Variants in PDPN observed in about 807,000 individuals in gnomAD.
PDPN encodes the protein PA2.26 antigen.
Under a neutral mutation model 23.2 loss-of-function variants are expected in PDPN, and 12 were observed. The ratio of observed to expected loss-of-function variants is 0.52; its 90% CI spans 0.33 to 0.84. PDPN has a LOEUF of 0.84. Among genes scored for constraint, PDPN ranks in the 40% least tolerant of loss-of-function variants. The pLI is 0.02. For synonymous variants in PDPN, 77 were observed against 76.7 expected (o/e 1.00, Z -0.02); for missense variants, 199 against 212.2 (o/e 0.94, Z 0.39).
intron 2 of PDPN, among the ~76,000 whole-genome samples, chr1:13,608,159 G>A (rs1222193838): frequency 6.6e-6 from 1 of 152,120 alleles, no homozygotes; most frequent in African/African-American, 2.4e-5. Context: ...TCTCACTATA[G>A]ACTGGTAATA....
At chr1:13,586,081 T>C (rs905810220) in intron 1 of PDPN, among the ~76,000 whole-genome samples, 5 of 152,162 alleles carry the variant, frequency 3.3e-5, no homozygotes, top group Admixed American at 2.6e-4. Flanking sequence ...GCCACCCTCA[T>C]GCTGAACTTT....
rs1473099812 is a variant in PDPN at position 13,607,305 on chromosome 1, T to C, written c.200T>C (p.Leu67Pro). ...CGCTATAAGTCTGGCTTGACAACTCTGGTCAGTGTCCTGGGAAGAGAGGAA... is the reference window on the plus strand; with the variant it reads ...CGCTATAAGTCTGGCTTGACAACTCCGGTCAGTGTCCTGGGAAGAGAGGAA... ...EDRYKSGLTT[L>P]VATSVNSVTG... Residue 67 changes from leucine to proline, a missense_variant and splice_region_variant, in exon 2 of 6, where the codon CTG (leucine) becomes CCG (proline). Transcript: ENST00000621990. The C allele has an allele frequency of 1.2e-6, 2 of 1,613,718 alleles. No individual in the cohort carries two copies. The highest frequency in any genetic ancestry group is 2.7e-5 in the African/African-American group (2 of 74,922).
At chr1:13,591,005 G>C (rs898593470) in intron 1 of PDPN, among the ~76,000 whole-genome samples, 2 of 151,856 alleles carry the variant, frequency 1.3e-5, no homozygotes, top group African/African-American at 4.8e-5. Flanking sequence ...GCAATGGCGC[G>C]ATCTTGGCTC....
intron 1 of PDPN, among the ~76,000 whole-genome samples, chr1:13,591,131 G>A (rs1334914170): frequency 6.6e-5 from 10 of 151,952 alleles, no homozygotes; most frequent in African/African-American, 9.7e-5. Flanking sequence ...CAATAGAGAC[G>A]GGGTTTCATC....
intron 1 of PDPN, chr1:13,585,383 G>C: frequency 1.4e-6 from 1 of 740,006 alleles, no homozygotes; most frequent in Non-Finnish European, 1.9e-6. Context: ...GGGGCCGTGG[G>C]TTATTCGTAG....
At chr1:13,584,392 G>A in intron 1 of PDPN, 1 of 1,292,992 alleles carries the variant, frequency 7.7e-7, no homozygotes, top group African/African-American at 1.5e-5. Flanking sequence ...AGAGAGATCG[G>A]GTGGAAGGTT....
In PDPN at chr1:13,616,993, G is replaced by C. The variant is rs1446239833; in HGVS notation, c.*1082G>C. ...TTGTACAGTCTTAATATTAAAAGCAGCTTGACTAAATACCTGATTTAAAAA... is the reference window on the plus strand; with the variant it reads ...TTGTACAGTCTTAATATTAAAAGCACCTTGACTAAATACCTGATTTAAAAA... On this transcript the variant is annotated 3_prime_UTR_variant, in exon 6 of 6. Transcript: ENST00000621990. The C allele has an allele frequency of 6.6e-6, 1 of 152,154 alleles. No individual in the cohort carries two copies. Among genetic ancestry groups the C allele is most frequent in the Non-Finnish European group, 1.5e-5 (1 of 68,028 alleles). The allele number at this position is 152,154 out of a possible 1,614,324, so 9.4% of individuals were successfully genotyped here.
At chr1:13,608,644 A>T (rs963616686) in intron 2 of PDPN, among the ~76,000 whole-genome samples, 1 of 152,102 alleles carries the variant, frequency 6.6e-6, no homozygotes, top group Admixed American at 6.5e-5. Flanking sequence ...TCGCAGAGAA[A>T]ACGAACACTT....
intron 1 of PDPN, among the ~76,000 whole-genome samples, chr1:13,588,020 T>C (rs764283295): frequency 6.6e-6 from 1 of 152,142 alleles, no homozygotes; most frequent in African/African-American, 2.4e-5. Flanking sequence ...TGAATCAAGC[T>C]AAGTCCAGGG....
At chr1:13,590,273 G>A (rs1640304991) in intron 1 of PDPN, among the ~76,000 whole-genome samples, 1 of 152,244 alleles carries the variant, frequency 6.6e-6, no homozygotes, top group African/African-American at 2.4e-5. Flanking sequence ...CATTTACAGA[G>A]CACACACATT....
chr1:13,613,740 G>A lies in PDPN; in HGVS notation c.370+15G>A. 2.1e-6 allele frequency: 3 copies of A among 1,455,102 alleles called. No homozygotes were observed. Among genetic ancestry groups the A allele is most frequent in the South Asian group, 2.3e-5 (2 of 87,288 alleles). 90.1% of individuals were successfully genotyped at this position (1,455,102 alleles called of 1,614,324 possible). A position where few individuals can be genotyped will look rare whatever the true frequency, so the allele number is the denominator to read the frequency against. On this transcript the variant is annotated intron_variant, in intron 4 of 5. Coordinates refer to ENST00000621990, the MANE Select transcript of PDPN (RefSeq NM_006474.5). ...AGTTGAGAAAGGTAGGCTAGATTTTGGCATCAAAATACTCTTACTGGGGTT... is the reference window on the plus strand; with the variant it reads ...AGTTGAGAAAGGTAGGCTAGATTTTAGCATCAAAATACTCTTACTGGGGTT...
Position 13,616,030 on chromosome 1 carries a change from C to A in PDPN, c.*119C>A. On this transcript the variant is annotated 3_prime_UTR_variant, in exon 6 of 6. Transcript: ENST00000621990. ...CCGTGGAACACTTGCCTGGCCCACT[C>A]AGAATCCACGGTGACCTCTCCGCTT... 1.1e-6 allele frequency: 1 copy of A among 951,912 alleles called. No homozygotes were observed. The highest frequency in any genetic ancestry group is 1.7e-6 in the Non-Finnish European group (1 of 586,392). The allele number at this position is 951,912 out of a possible 1,614,324, so 59.0% of individuals were successfully genotyped here.
intron 1 of PDPN, among the ~76,000 whole-genome samples, chr1:13,589,960 TGGG>T (rs1570012119): frequency 6.6e-6 from 1 of 152,164 alleles, no homozygotes; most frequent in Non-Finnish European, 1.5e-5. Flanking sequence ...CCCTAGTAGC[TGGG>T]ATTACAGGCA....
intron 1 of PDPN, among the ~76,000 whole-genome samples, chr1:13,598,874 T>TTG (rs1640564326): frequency 6.6e-6 from 1 of 152,104 alleles, no homozygotes; most frequent in Admixed American, 6.6e-5. Context: ...GAGGCAGCCT[T>TTG]TATCAAGCTT....
intron 1 of PDPN, 142 bp downstream of exon 1, chr1:13,584,242 G>A (rs532569109): frequency 1.8e-5 from 27 of 1,522,188 alleles, no homozygotes; most frequent in Non-Finnish European, 2.2e-5. Flanking sequence ...AGGCGGCTGA[G>A]CGCCGGAGGA....
At chr1:13,589,300 G>A (rs982071959) in intron 1 of PDPN, among the ~76,000 whole-genome samples, 17 of 152,294 alleles carry the variant, frequency 1.1e-4, no homozygotes, top group South Asian at 8.3e-4. Flanking sequence ...CATACAAAGC[G>A]TTGGAAAACA....
chr1:13,592,887 CCT>C (rs1640388133), intron 1 of PDPN, among the ~76,000 whole-genome samples: 1 of 152,104 alleles, frequency 6.6e-6, no homozygotes, highest in African/African-American at 2.4e-5. Context: ...AATCTTGGCA[CCT>C]CTGTCAAAAA....
intron 3 of PDPN, among the ~76,000 whole-genome samples, chr1:13,611,475 C>CA (rs920877826): frequency 5.3e-5 from 8 of 150,074 alleles, no homozygotes; most frequent in South Asian, 4.2e-4. Flanking sequence ...TAAACCAGTA[C>CA]AAAAAAAAAT....
intron 1 of PDPN, among the ~76,000 whole-genome samples, chr1:13,588,993 T>TAAATTGAATAGTGCTACTATTCAAG (rs1640262477): frequency 6.6e-6 from 1 of 151,842 alleles, no homozygotes. Context: ...TACTATTCAA[T>TAAATTGAATAGTGCTACTATTCAAG]AAATATTTAT....
Sources: gnomAD v4.1 joint callset for allele counts (sites outside exome capture counted in the v4.1 genomes callset) on GRCh38, gnomAD v4.1.1 for gene constraint, MANE v1.5 for transcripts, NCBI Gene and HGNC (gene_info 2026-07-23, HGNC 2026-07-21) for gene names.